SWAP70: variants seen among roughly 807,000 people sequenced by gnomAD.
SWAP70 encodes the protein switch-associated protein 70.
In SWAP70, 34 loss-of-function variants were observed where a neutral mutation model predicts 80.2. That is an observed-to-expected ratio of 0.42 (90% CI 0.32 to 0.56). The LOEUF is 0.56. SWAP70 is among the 20% of genes least tolerant of loss of function. The pLI is 0.09. For synonymous variants in SWAP70, 239 were observed against 238.5 expected (o/e 1.00, Z -0.02); for missense variants, 578 against 690.7 (o/e 0.84, Z 1.83).
At chr11:9,739,609 G>C (rs536580468) in intron 8 of SWAP70, among the ~76,000 whole-genome samples, 3 of 152,206 alleles carry the variant, frequency 2.0e-5, no homozygotes, top group Non-Finnish European at 4.4e-5. Context: ...TCAAAACTCT[G>C]TAATCCAGAA....
chr11:9,701,907 T>C (rs906952712), intron 2 of SWAP70, among the ~76,000 whole-genome samples: 1 of 152,214 alleles, frequency 6.6e-6, no homozygotes, highest in Non-Finnish European at 1.5e-5. Context: ...TCATTTCTTT[T>C]CTCTGATTCT....
intron 4 of SWAP70, among the ~76,000 whole-genome samples, chr11:9,727,194 T>TC (rs67823392): frequency 0.33 from 49,677 of 151,152 alleles, 8,355 homozygotes; most frequent in Non-Finnish European, 0.35. Flanking sequence ...CTTGAGACCA[T>TC]CTGGCCAACA....
At chr11:9,675,759 T>C (rs1009126480) in intron 1 of SWAP70, among the ~76,000 whole-genome samples, 2 of 152,086 alleles carry the variant, frequency 1.3e-5, no homozygotes, top group Non-Finnish European at 2.9e-5. Flanking sequence ...ACTGGGCATC[T>C]TCCTGGCAAT....
chr11:9,735,044 T>A (rs1229965580), intron 7 of SWAP70, among the ~76,000 whole-genome samples: 2 of 152,186 alleles, frequency 1.3e-5, no homozygotes, highest in African/African-American at 4.8e-5. Context: ...ATTAATAGAT[T>A]TACTTAAAGA....
In SWAP70 at chr11:9,747,925, A is replaced by T; in HGVS notation, c.1423A>T (p.Ile475Phe). ...EKWHLEQQQA[I>F]QTTEAEKQEL... ...GTGGCACTTGGAGCAGCAGCAGGCC[A>T]TTCAGACAACCGAGGCGGAGAAGCA... Residue 475 changes from isoleucine to phenylalanine, a missense_variant, in exon 10 of 12, where the codon ATT becomes TTT. Ile to Phe is a conservative substitution (Grantham distance 21, BLOSUM62 0). Coordinates refer to ENST00000318950, the MANE Select transcript of SWAP70 (RefSeq NM_015055.4). 6.2e-7 allele frequency: 1 copy of T among 1,614,206 alleles called. No individual in the cohort carries two copies. The highest frequency in any genetic ancestry group is 8.5e-7 in the Non-Finnish European group (1 of 1,180,036).
At chr11:9,703,459 C>T (rs1181166246) in intron 2 of SWAP70, 1 of 456,296 alleles carries the variant, frequency 2.2e-6, no homozygotes, top group Admixed American at 2.3e-5. Context: ...GTAAGGCCAA[C>T]TCCGCCCATC....
At chr11:9,725,553 ATATATATATATATATATTTTTT>A (rs1188956737) in intron 4 of SWAP70, among the ~76,000 whole-genome samples, 2,663 of 21,552 alleles carry the variant, frequency 0.12, 68 homozygotes, top group Non-Finnish European at 0.19. Flanking sequence ...ATATATATAT[ATATATATATATATATATTTTTT>A]TTTTTTTTTT....
At position 9,685,832 on chromosome 11, in the gene SWAP70, C is replaced by T. The variant is rs532270112; in HGVS notation, c.100-8314C>T. ...TATTTTTAGTAGAGATGGGGTTTCA[C>T]CATGTTGGCCAGGATGGCCTCGATC... On this transcript the variant is annotated intron_variant, in intron 1 of 11. Transcript: ENST00000318950. Among the ~76,000 whole-genome samples, 27 of 152,284 alleles carry T rather than the reference C, an allele frequency of 1.8e-4. No homozygotes were observed. In the South Asian group the frequency reaches 5.6e-3, roughly 32 times the overall value.
intron 5 of SWAP70, 138 bp from the exon 6 acceptor site, chr11:9,729,205 G>T: frequency 1.5e-6 from 1 of 646,170 alleles, no homozygotes. Flanking sequence ...TTAGGAAACA[G>T]CATTAGTAAA....
intron 1 of SWAP70, among the ~76,000 whole-genome samples, chr11:9,686,215 A>T (rs1197417135): frequency 6.6e-6 from 1 of 151,810 alleles, no homozygotes; most frequent in Non-Finnish European, 1.5e-5. Context: ...TCTTTCTTAT[A>T]TATCTCTCTT....
chr11:9,678,763 C>T lies in SWAP70; in HGVS notation c.99+14485C>T, dbSNP rs574022837. On this transcript the variant is annotated intron_variant, in intron 1 of 11. Transcript: ENST00000318950. Reference sequence around the variant, plus strand: ...ATGCCATCACTCAATAGGTATTTCTCATTCCTTCCCACCGTGAGGGTTATA... The same window carrying T: ...ATGCCATCACTCAATAGGTATTTCTTATTCCTTCCCACCGTGAGGGTTATA... Among the ~76,000 whole-genome samples the T allele has an allele frequency of 2.6e-5, 4 of 152,098 alleles. No homozygotes were observed. The East Asian group carries it at 7.7e-4, about 29-fold the overall frequency.
intron 1 of SWAP70, among the ~76,000 whole-genome samples, chr11:9,675,346 CGAGAGAGAGAGAGAGA>C (rs1184480305): frequency 5.9e-4 from 5 of 8,406 alleles, no homozygotes; most frequent in Admixed American, 2.4e-3. Flanking sequence ...AGAGAGGGAG[CGAGAGAGAGAGAGAGA>C]GAGAGAGAGA....
At position 9,666,166 on chromosome 11, in the gene SWAP70, A is replaced by G. The variant is rs188480793; in HGVS notation, c.99+1888A>G. On this transcript the variant is annotated intron_variant, in intron 1 of 11. Coordinates refer to ENST00000318950, the MANE Select transcript of SWAP70 (RefSeq NM_015055.4). ...GGTGGTGTGATCTCGGCTCACTGCA[A>G]CGTCTGTCTCCTAGGTTCTAGAGAT... Among the ~76,000 whole-genome samples, 3 of 150,698 alleles carry G rather than the reference A, an allele frequency of 2.0e-5. No individual in the cohort carries two copies. The East Asian group carries it at 5.9e-4, about 30-fold the overall frequency.
intron 1 of SWAP70, among the ~76,000 whole-genome samples, chr11:9,670,659 C>G (rs1444893308): frequency 6.6e-6 from 1 of 152,044 alleles, no homozygotes; most frequent in African/African-American, 2.4e-5. Flanking sequence ...GATAAGAACC[C>G]CTTTGGGGCA....
At chr11:9,686,830 C>T (rs138313594) in intron 1 of SWAP70, among the ~76,000 whole-genome samples, 2 of 152,286 alleles carry the variant, frequency 1.3e-5, no homozygotes, top group African/African-American at 4.8e-5. Flanking sequence ...CAGGATACTG[C>T]TATACATTGT....
chr11:9,742,312 A>C (rs978153465), intron 9 of SWAP70, among the ~76,000 whole-genome samples: 11 of 151,946 alleles, frequency 7.2e-5, no homozygotes, highest in Admixed American at 2.0e-4. Flanking sequence ...AGTTTTTGGA[A>C]CCTGAAATGG....
At chr11:9,689,961 A>G (rs117909453) in intron 1 of SWAP70, among the ~76,000 whole-genome samples, 1 of 152,182 alleles carries the variant, frequency 6.6e-6, no homozygotes, top group African/African-American at 2.4e-5. Flanking sequence ...TGGCAGGGCT[A>G]TCTGTTTTTC....
At chr11:9,742,884 C>CTTT (rs56710904) in intron 9 of SWAP70, among the ~76,000 whole-genome samples, 1 of 140,928 alleles carries the variant, frequency 7.1e-6, no homozygotes, top group Non-Finnish European at 1.5e-5. Flanking sequence ...CTTCTCACTC[C>CTTT]TTTTTTTTTT....
At chr11:9,705,470 TTGGTGATCTGTATACAC>T (rs1380510862) in intron 2 of SWAP70, among the ~76,000 whole-genome samples, 70 of 138,956 alleles carry the variant, frequency 5.0e-4, no homozygotes, top group Middle Eastern at 3.8e-3. Context: ...CTGTGTACAC[TTGGTGATCTGTATACAC>T]TGGTGATCTG....
Sources: gnomAD v4.1 joint callset for allele counts (sites outside exome capture counted in the v4.1 genomes callset) on GRCh38, gnomAD v4.1.1 for gene constraint, MANE v1.5 for transcripts, NCBI Gene and HGNC (gene_info 2026-07-23, HGNC 2026-07-21) for gene names.